The following PLS1 variants were observed in gnomAD, a reference collection of about 807,000 sequenced individuals.
PLS1 encodes plastin-1.
Under a neutral mutation model 73.7 loss-of-function variants are expected in PLS1, and 32 were observed. The observed-to-expected ratio is 0.43, with a 90% CI of 0.33 to 0.58. The LOEUF (loss-of-function observed/expected upper bound fraction) is 0.58. PLS1 is among the 20% of genes least tolerant of loss of function. The pLI, the probability that PLS1 is intolerant of heterozygous loss-of-function variation, is 0.04. For missense variants in PLS1, 633 were observed against 740.5 expected (o/e 0.85, Z 1.68); for synonymous variants, 217 against 261.3 (o/e 0.83, Z 1.63).
chr3:142,678,341 A>G (rs1042031718), intron 6 of PLS1, among the ~76,000 whole-genome samples: 1 of 150,616 alleles, frequency 6.6e-6, no homozygotes, highest in Non-Finnish European at 1.5e-5. Flanking sequence ...TTACATATGT[A>G]TACATGTGCC....
intron 6 of PLS1, among the ~76,000 whole-genome samples, chr3:142,682,581 A>G (rs1309560782): frequency 3.9e-5 from 6 of 152,176 alleles, no homozygotes; most frequent in Non-Finnish European, 1.5e-5. Flanking sequence ...GGTTATTGTG[A>G]GGTTAATACT....
intron 1 of PLS1, among the ~76,000 whole-genome samples, chr3:142,596,957 C>G (rs2035825855): frequency 6.6e-6 from 1 of 152,060 alleles, no homozygotes; most frequent in Non-Finnish European, 1.5e-5. Flanking sequence ...TGGTACCTTT[C>G]CTGGAGCATA....
chr3:142,633,315 T>C (rs1577807004), intron 1 of PLS1, among the ~76,000 whole-genome samples: 1 of 152,170 alleles, frequency 6.6e-6, no homozygotes, highest in Non-Finnish European at 1.5e-5. Flanking sequence ...GACAATGCAA[T>C]ATAATCAACA....
At chr3:142,675,701 G>A (rs1446792020) in intron 4 of PLS1, among the ~76,000 whole-genome samples, 1 of 147,668 alleles carries the variant, frequency 6.8e-6, no homozygotes, top group East Asian at 2.0e-4. Flanking sequence ...TTTTTGAAAG[G>A]GTCTCTCTTT....
chr3:142,649,900 G>A (rs3736560), intron 1 of PLS1, among the ~76,000 whole-genome samples: 93,833 of 151,278 alleles, frequency 0.62, 29,481 homozygotes, highest in African/African-American at 0.66. Flanking sequence ...TACTTGGAAA[G>A]TATAATTATA....
intron 1 of PLS1, among the ~76,000 whole-genome samples, chr3:142,606,103 A>G (rs921437694): frequency 3.3e-5 from 5 of 152,246 alleles, no homozygotes; most frequent in Non-Finnish European, 5.9e-5. Flanking sequence ...GAAACATTGT[A>G]CAAAAGGGTA....
intron 1 of PLS1, among the ~76,000 whole-genome samples, chr3:142,599,316 A>G (rs1358425987): frequency 6.9e-6 from 1 of 145,198 alleles, no homozygotes; most frequent in African/African-American, 2.5e-5. Context: ...GGAGGGACTC[A>G]GATATTCTTT....
chr3:142,680,890 T>G (rs2037838398), intron 6 of PLS1, among the ~76,000 whole-genome samples: 1 of 152,218 alleles, frequency 6.6e-6, no homozygotes, highest in Non-Finnish European at 1.5e-5. Flanking sequence ...GCTCATTTCT[T>G]AATCACTGTG....
At chr3:142,701,965 C>A (rs1167966038) in intron 12 of PLS1, among the ~76,000 whole-genome samples, 1 of 152,194 alleles carries the variant, frequency 6.6e-6, no homozygotes, top group Non-Finnish European at 1.5e-5. Flanking sequence ...TACATTCTTA[C>A]AGCATATATT....
chr3:142,608,668 C>G (rs1356732391), intron 1 of PLS1, among the ~76,000 whole-genome samples: 3 of 152,176 alleles, frequency 2.0e-5, no homozygotes, highest in African/African-American at 7.2e-5. Context: ...TATCAAAGGA[C>G]ACAGGCTTGA....
At chr3:142,601,620 C>G (rs1458969935) in intron 1 of PLS1, among the ~76,000 whole-genome samples, 1 of 152,100 alleles carries the variant, frequency 6.6e-6, no homozygotes, top group Admixed American at 6.6e-5. Context: ...ACCTTGAACT[C>G]CTGGGCTCAA....
At chr3:142,628,914 T>C (rs951654460) in intron 1 of PLS1, among the ~76,000 whole-genome samples, 1 of 152,236 alleles carries the variant, frequency 6.6e-6, no homozygotes, top group African/African-American at 2.4e-5. Flanking sequence ...AAAAGCTGTA[T>C]AGAGTCAGAT....
intron 11 of PLS1, among the ~76,000 whole-genome samples, chr3:142,696,358 A>AT (rs1312846156): frequency 6.6e-6 from 1 of 152,132 alleles, no homozygotes; most frequent in Admixed American, 6.5e-5. Context: ...AGCATATAGT[A>AT]TTTTTTCTTG....
intron 1 of PLS1, among the ~76,000 whole-genome samples, chr3:142,660,750 C>T (rs184888162): frequency 6.6e-6 from 1 of 152,262 alleles, no homozygotes; most frequent in Admixed American, 6.5e-5. Context: ...AACATCTTTA[C>T]ACTTATTAGC....
rs1313379664 is a variant in PLS1, at chr3:142,689,718, C to T, written c.1082C>T (p.Pro361Leu). ...VTPADVVSGN[P>L]KLNLAFVANL... Reference sequence around the variant, plus strand: ...CCTGCAGATGTGGTTTCAGGCAATCCTAAACTTAATTTAGCTTTTGTAGCT... The same window carrying T: ...CCTGCAGATGTGGTTTCAGGCAATCTTAAACTTAATTTAGCTTTTGTAGCT... Residue 361 changes from proline (P) to leucine (L), a missense_variant, in exon 10 of 16, where the codon CCT (proline) becomes CTT (leucine). Physicochemically the swap from Pro to Leu is moderately conservative, Grantham distance 98. Transcript: ENST00000457734. The T allele has an allele frequency of 2.5e-6, 4 of 1,610,900 alleles. No homozygotes were observed.
chr3:142,599,337 TTTTTTTTTTTG>T, intron 1 of PLS1, among the ~76,000 whole-genome samples: 1 of 124,748 alleles, frequency 8.0e-6, no homozygotes, highest in Non-Finnish European at 1.8e-5. Context: ...TTTTTTTTTT[TTTTTTTTTTTG>T]AGATGGAGTC....
At chr3:142,629,470 G>C (rs1051361962) in intron 1 of PLS1, among the ~76,000 whole-genome samples, 5 of 152,118 alleles carry the variant, frequency 3.3e-5, no homozygotes. Context: ...CAAAGTGCTG[G>C]GTTTACAGGC....
intron 1 of PLS1, among the ~76,000 whole-genome samples, chr3:142,602,326 G>A (rs190468644): frequency 1.3e-5 from 2 of 152,200 alleles, no homozygotes; most frequent in Admixed American, 6.5e-5. Context: ...CTCACCTTGT[G>A]TAGGAGCCTA....
intron 2 of PLS1, among the ~76,000 whole-genome samples, chr3:142,665,280 A>T (rs1011831955): frequency 1.9e-4 from 27 of 144,224 alleles, no homozygotes; most frequent in African/African-American, 4.6e-4. Context: ...CGATATGTTT[A>T]AAAAAAAAAA....
Sources: allele counts gnomAD v4.1 joint callset (sites outside exome capture counted in the v4.1 genomes callset), GRCh38; gene constraint gnomAD v4.1.1; transcripts MANE v1.5; gene names NCBI Gene and HGNC (gene_info 2026-07-23, HGNC 2026-07-21).